NFIL3: variants seen among roughly 807,000 people sequenced by gnomAD.
NFIL3 encodes the protein nuclear factor interleukin-3-regulated protein.
Under a neutral mutation model 10.0 loss-of-function variants are expected in NFIL3, and 5 were observed. The ratio of observed to expected loss-of-function variants is 0.50; its 90% CI spans 0.26 to 1.06. The LOEUF is 1.06. NFIL3 is among the 50% of genes least tolerant of loss of function. NFIL3 has a pLI of 0.13. For synonymous variants in NFIL3, 202 were observed against 206.5 expected (o/e 0.98, Z 0.19); for missense variants, 436 against 547.6 (o/e 0.80, Z 2.03).
chr9:91,468,195 C>T, the NFIL3 span, among the ~76,000 whole-genome samples: 2 of 152,174 alleles, frequency 1.3e-5, no homozygotes, highest in Non-Finnish European at 2.9e-5. Flanking sequence ...CTCTCCAGCA[C>T]CTGTTGTTTC....
At chr9:91,426,680 G>A (rs916326949), upstream of NFIL3, 2 of 152,120 alleles carry the variant, frequency 1.3e-5, no homozygotes, top group African/African-American at 4.8e-5. Flanking sequence ...TTATTATACT[G>A]CCAACATGGT....
At chr9:91,453,756 A>G in the NFIL3 span, among the ~76,000 whole-genome samples, 2 of 152,080 alleles carry the variant, frequency 1.3e-5, no homozygotes, top group African/African-American at 4.8e-5. Flanking sequence ...AATTATGAAA[A>G]CTGATAGAAT....
At chr9:91,457,777 CTTT>C in the NFIL3 span, among the ~76,000 whole-genome samples, 6 of 151,990 alleles carry the variant, frequency 3.9e-5, no homozygotes, top group Admixed American at 3.3e-4. Context: ...AATATTTAAT[CTTT>C]TACTGCTAAG....
At position 91,413,208 on chromosome 9, in the gene NFIL3, T is replaced by C. The variant is rs187730886; in HGVS notation, c.-172-2302A>G. On this transcript the variant is annotated intron_variant, in intron 1 of 1. Transcript: ENST00000297689. ...GAGTGTGTCACAGTCAGCAGTGATGTTGCAGAGAAGGAATCTTCCTATTTA... is the reference window on the plus strand; with the variant it reads ...GAGTGTGTCACAGTCAGCAGTGATGCTGCAGAGAAGGAATCTTCCTATTTA... Among the ~76,000 whole-genome samples, 12 of 152,314 alleles carry C rather than the reference T, an allele frequency of 7.9e-5. No homozygotes were observed. The East Asian group carries it at 1.4e-3, about 17-fold the overall frequency.
the NFIL3 span, among the ~76,000 whole-genome samples, chr9:91,446,018 C>G: frequency 7.1e-4 from 108 of 152,290 alleles, no homozygotes; most frequent in African/African-American, 2.4e-3. Context: ...CGGTGTAGAA[C>G]AGCAGCAGCT....
intron 1 of NFIL3, among the ~76,000 whole-genome samples, chr9:91,415,527 TTC>T (rs2117984951): frequency 1.3e-5 from 2 of 152,284 alleles, no homozygotes; most frequent in Admixed American, 1.3e-4. Context: ...TTACACACAG[TTC>T]TCTTTTGTGT....
chr9:91,417,671 C>T (rs57412003), intron 1 of NFIL3, among the ~76,000 whole-genome samples: 1,629 of 152,140 alleles, frequency 0.011, 27 homozygotes, highest in African/African-American at 0.037. Flanking sequence ...TTTCTAATCC[C>T]GTTGAAAAAG....
chr9:91,435,772 C>T, the NFIL3 span, among the ~76,000 whole-genome samples: 2 of 152,172 alleles, frequency 1.3e-5, no homozygotes, highest in Non-Finnish European at 2.9e-5. Flanking sequence ...GTGCCTACAG[C>T]TTATAATCTA....
the NFIL3 span, among the ~76,000 whole-genome samples, chr9:91,441,987 T>A: frequency 6.6e-6 from 1 of 152,244 alleles, no homozygotes; most frequent in Non-Finnish European, 1.5e-5. Context: ...TACTCATACA[T>A]ATGAAAGAAT....
the NFIL3 span, among the ~76,000 whole-genome samples, chr9:91,470,967 G>T: frequency 6.6e-6 from 1 of 152,258 alleles, no homozygotes; most frequent in African/African-American, 2.4e-5. Flanking sequence ...GAGTAAGTGT[G>T]ATGTGGTGCT....
the NFIL3 span, among the ~76,000 whole-genome samples, chr9:91,471,636 T>C: frequency 6.6e-6 from 1 of 152,074 alleles, no homozygotes; most frequent in Non-Finnish European, 1.5e-5. Flanking sequence ...TAGCATTAGG[T>C]ATATCTCCTA....
chr9:91,436,821 A>T, the NFIL3 span, among the ~76,000 whole-genome samples: 137 of 152,340 alleles, frequency 9.0e-4, 1 homozygote, highest in South Asian at 1.5e-3. Context: ...AATGTTCACT[A>T]CATCCTTCAT....
the NFIL3 span, among the ~76,000 whole-genome samples, chr9:91,479,182 G>T: frequency 6.6e-6 from 1 of 152,202 alleles, no homozygotes; most frequent in Non-Finnish European, 1.5e-5. Flanking sequence ...TGTGCTGGGG[G>T]ATCCACCACT....
upstream of NFIL3, among the ~76,000 whole-genome samples, chr9:91,427,334 A>T (rs1215794719): frequency 6.6e-6 from 1 of 152,088 alleles, no homozygotes; most frequent in East Asian, 1.9e-4. Context: ...GAGACGGGGG[A>T]CTCAGTGGCT....
At position 91,410,175 on chromosome 9, in the gene NFIL3, A is replaced by G. The variant is rs747084399; in HGVS notation, c.560T>C (p.Leu187Pro). The G allele has an allele frequency of 3.1e-6, 5 of 1,614,170 alleles. No individual in the cohort carries two copies. The highest frequency in any genetic ancestry group is 4.2e-6 in the Non-Finnish European group (5 of 1,180,016). Residue 187 changes from leucine to proline, a missense_variant, in exon 2 of 2, where the codon CTG (leucine) becomes CCG (proline). Coordinates refer to ENST00000297689, the MANE Select transcript of NFIL3 (RefSeq NM_005384.3). The surrounding 1 kb of genome is among the most constrained non-coding windows in gnomAD (Gnocchi z 5.7). ...TGAGGACACTTCTGAAACATCGGAC[A>G]GCGAGCTTTGTGGAGAGTGTTTAAT... ...SVIKHSPQSS[L>P]SDVSEVSSVE... is the part of the protein sequence containing the mutation.
chr9:91,427,493 G>T (rs1833883752), upstream of NFIL3, among the ~76,000 whole-genome samples: 1 of 152,204 alleles, frequency 6.6e-6, no homozygotes, highest in Non-Finnish European at 1.5e-5. Context: ...CCGGCAGCCT[G>T]CATCAGGGCT....
At chr9:91,415,287 T>C (rs943804069) in intron 1 of NFIL3, among the ~76,000 whole-genome samples, 42 of 152,302 alleles carry the variant, frequency 2.8e-4, no homozygotes, top group African/African-American at 9.4e-4. Context: ...ACAATCATAA[T>C]TGGTGCCATT....
At chr9:91,462,467 T>C in the NFIL3 span, among the ~76,000 whole-genome samples, 2 of 152,302 alleles carry the variant, frequency 1.3e-5, no homozygotes, top group Middle Eastern at 3.4e-3. Context: ...ATGTGCTTTT[T>C]GTTAGACCGT....
the NFIL3 span, among the ~76,000 whole-genome samples, chr9:91,474,011 T>C: frequency 1.3e-5 from 2 of 152,152 alleles, no homozygotes; most frequent in African/African-American, 4.8e-5. Flanking sequence ...AGGGATAGCT[T>C]TGCCTTGTTT....
Sources: gnomAD v4.1 joint callset for allele counts (sites outside exome capture counted in the v4.1 genomes callset) on GRCh38, gnomAD v4.1.1 for gene constraint, Gnocchi (gnomAD v3.1) non-coding constraint, MANE v1.5 for transcripts, NCBI Gene and HGNC (gene_info 2026-07-23, HGNC 2026-07-21) for gene names.